The following CHAT variants were observed in gnomAD, a reference collection of about 807,000 sequenced individuals.
CHAT encodes the protein choline O-acetyltransferase.
CHAT carries 61 observed loss-of-function variants against 76.9 expected under a neutral mutation model. That is an observed-to-expected ratio of 0.79 (90% confidence interval 0.65 to 0.98). The LOEUF (loss-of-function observed/expected upper bound fraction) is 0.98, where lower values mean the gene tolerates loss of function less well. CHAT is among the 50% of genes least tolerant of loss of function. CHAT has a pLI of 0.00. For synonymous variants in CHAT, 407 were observed against 397.4 expected (o/e 1.02, Z -0.29); for missense variants, 946 against 986.9 (o/e 0.96, Z 0.56).
At chr10:49,613,890 A>C (rs572767763), upstream of CHAT, 5 of 512,394 alleles carry the variant, frequency 9.8e-6, no homozygotes, top group African/African-American at 9.6e-5. Flanking sequence ...TTATTTTGAA[A>C]GATGGTGTAG....
At chr10:49,662,503 A>G in intron 13 of CHAT, 142 bp from the exon 14 acceptor site, 1 of 1,076,878 alleles carries the variant, frequency 9.3e-7, no homozygotes, top group South Asian at 1.3e-5. Flanking sequence ...AGCCACTCAT[A>G]CACATTGTTG....
At chr10:49,649,332 T>C (rs1263218725) in intron 9 of CHAT, among the ~76,000 whole-genome samples, 176 bp from the exon 10 acceptor site, 2 of 152,222 alleles carry the variant, frequency 1.3e-5, no homozygotes, top group Non-Finnish European at 2.9e-5. Flanking sequence ...ATGATTTTGG[T>C]GGCCTCTCTG....
Position 49,649,521 on chromosome 10 carries a change from A to C in CHAT, c.1396A>C (p.Arg466=), listed in dbSNP as rs1399733736. ...CTGTGCCCGCAGGACGCAGAGCAGC[A>C]GGAAGCTGATCCGAGCAGACTCCGT... ...HLLKHVTQSS[R]KLIRADSVSE... is the part of the protein sequence containing the mutation. The change falls in exon 10 of 15, where the codon AGG becomes CGG. Residue 466 remains arginine (R), a synonymous_variant. Transcript: ENST00000337653. 6.2e-7 allele frequency: 1 copy of C among 1,613,780 alleles called. No individual in the cohort carries two copies. The highest frequency in any genetic ancestry group is 1.3e-5 in the African/African-American group (1 of 74,960).
chr10:49,621,722 CCT>C (rs1190267320), intron 4 of CHAT, among the ~76,000 whole-genome samples: 1 of 152,152 alleles, frequency 6.6e-6, no homozygotes, highest in Non-Finnish European at 1.5e-5. Flanking sequence ...CTTCCGTCTC[CCT>C]CTCTGCTCCC....
At chr10:49,613,988 C>A, upstream of CHAT, 2 of 934,530 alleles carry the variant, frequency 2.1e-6, no homozygotes, top group Non-Finnish European at 3.2e-6. Flanking sequence ...GATTCAGCAG[C>A]AGCACCCCAA....
chr10:49,614,860 A>C (rs1380891363), intron 1 of CHAT, among the ~76,000 whole-genome samples: 1 of 152,182 alleles, frequency 6.6e-6, no homozygotes, highest in African/African-American at 2.4e-5. Context: ...AAGGAGGAGC[A>C]GTGGCTGGTG....
intron 1 of CHAT, 60 bp downstream of exon 1, chr10:49,614,535 CG>C: frequency 2.8e-6 from 3 of 1,055,658 alleles, no homozygotes; most frequent in Non-Finnish European, 3.9e-6. Flanking sequence ...GGGCGGCGGT[CG>C]GGGGCTCTAT....
chr10:49,658,687 C>T (rs764671086), intron 13 of CHAT, among the ~76,000 whole-genome samples: 62 of 152,138 alleles, frequency 4.1e-4, no homozygotes, highest in Middle Eastern at 6.8e-3. Flanking sequence ...CCAGCCTGGG[C>T]GACACAGCAA....
intron 7 of CHAT, among the ~76,000 whole-genome samples, chr10:49,635,852 C>T (rs919342023): frequency 3.9e-5 from 6 of 151,938 alleles, no homozygotes; most frequent in Admixed American, 3.9e-4. Context: ...GAATGCTTTC[C>T]CCCTAAGATC....
At chr10:49,621,574 A>C (rs1351734553) in intron 4 of CHAT, among the ~76,000 whole-genome samples, 1 of 152,010 alleles carries the variant, frequency 6.6e-6, no homozygotes, top group Non-Finnish European at 1.5e-5. Flanking sequence ...AAGGGACCAA[A>C]TTACTGGCTT....
chr10:49,617,739 C>T (rs1046115471), intron 2 of CHAT, among the ~76,000 whole-genome samples: 7 of 151,914 alleles, frequency 4.6e-5, no homozygotes, highest in Non-Finnish European at 1.0e-4. Flanking sequence ...CACAGACCAC[C>T]CCCCCCACCG....
At chr10:49,613,145 G>T (rs3729496), upstream of CHAT, 83,830 of 152,156 alleles carry the variant, frequency 0.55, 28,199 homozygotes, top group Non-Finnish European at 0.77. Flanking sequence ...AGTAGGAGCC[G>T]AGCATTCCGG....
At chr10:49,623,430 C>T (rs976247797) in intron 5 of CHAT, among the ~76,000 whole-genome samples, 1 of 152,140 alleles carries the variant, frequency 6.6e-6, no homozygotes, top group African/African-American at 2.4e-5. Flanking sequence ...TGTTTTGAAC[C>T]TTTAATTAAT....
At position 49,619,708 on chromosome 10, in the gene CHAT, T is replaced by C. The variant is rs200691553; in HGVS notation, c.388-17T>C. The C allele has an allele frequency of 2.5e-6, 4 of 1,607,036 alleles. No individual in the cohort carries two copies. In the East Asian group the frequency reaches 6.7e-5, roughly 27 times the overall value. On this transcript the variant is annotated splice_polypyrimidine_tract_variant and intron_variant, in intron 2 of 14. Transcript: ENST00000337653. ...GCACATACTAGAGGCACAATGCCTATGAACCCTTTCTTCCAGGGGCTGCCC... is the reference window on the plus strand; with the variant it reads ...GCACATACTAGAGGCACAATGCCTACGAACCCTTTCTTCCAGGGGCTGCCC...
At chr10:49,635,236 A>G (rs1219408845) in intron 7 of CHAT, among the ~76,000 whole-genome samples, 1 of 152,232 alleles carries the variant, frequency 6.6e-6, no homozygotes, top group Non-Finnish European at 1.5e-5. Flanking sequence ...CTCCGGATGG[A>G]GATTTATCCA....
At chr10:49,657,411 T>C (rs114046020) in intron 13 of CHAT, among the ~76,000 whole-genome samples, 2,877 of 152,196 alleles carry the variant, frequency 0.019, 93 homozygotes, top group African/African-American at 0.065. Context: ...CACATGAAGT[T>C]TGGACAGGAC....
intron 13 of CHAT, among the ~76,000 whole-genome samples, chr10:49,661,785 T>C (rs1430403793): frequency 6.6e-6 from 1 of 152,104 alleles, no homozygotes; most frequent in Admixed American, 6.5e-5. Flanking sequence ...CCAGTGTGCA[T>C]ACTACATACC....
At chr10:49,660,149 A>T (rs943650662) in intron 13 of CHAT, among the ~76,000 whole-genome samples, 5 of 152,110 alleles carry the variant, frequency 3.3e-5, no homozygotes, top group African/African-American at 7.2e-5. Flanking sequence ...GTCATAAAAG[A>T]GCTGAAATTG....
chr10:49,611,811 G>T (rs1052148536), upstream of CHAT: 2 of 1,603,478 alleles, frequency 1.2e-6, no homozygotes, highest in Non-Finnish European at 1.7e-6. Context: ...ACCTGCAGTG[G>T]CTGTACGGCG....
Sources: allele counts gnomAD v4.1 joint callset (sites outside exome capture counted in the v4.1 genomes callset), GRCh38; gene constraint gnomAD v4.1.1; transcripts MANE v1.5; gene names NCBI Gene and HGNC (gene_info 2026-07-23, HGNC 2026-07-21).